Variants in UTS2B observed in about 807,000 individuals in gnomAD.
The protein encoded by UTS2B is urotensin 2B.
In UTS2B, 21 loss-of-function variants were observed where a neutral mutation model predicts 19.2. The ratio of observed to expected loss-of-function variants is 1.09; its 90% confidence interval spans 0.78 to 1.58. The LOEUF (loss-of-function observed/expected upper bound fraction) is 1.58, where lower values mean the gene tolerates loss of function less well. Among genes scored for constraint, UTS2B ranks in the 40% most tolerant of loss-of-function variants. The probability of loss-of-function intolerance (pLI) is 0.00; values close to 1 mark genes in which losing one functional copy is unlikely to be tolerated. For missense variants in UTS2B, 138 were observed against 130.3 expected (o/e 1.06, Z -0.29); for synonymous variants, 57 against 50.2 (o/e 1.14, Z -0.58).
At chr3:191,282,533 T>C (rs7645540) in intron 4 of UTS2B, 87,971 of 173,300 alleles carry the variant, frequency 0.51, 24,196 homozygotes, top group Non-Finnish European at 0.6. Context: ...AAGCAACATC[T>C]TGAAATAAAA....
Position 191,282,247 on chromosome 3 carries a change from T to G in UTS2B, c.-58A>C. On this transcript the variant is annotated 5_prime_UTR_variant, in exon 5 of 9. Transcript: ENST00000340524. ...CAGACTTTCCAGGTCAAGATGGATA[T>G]TTCTATAGCTTTGGAATTCAGTAGA... 7.6e-7 allele frequency: 1 copy of G among 1,311,434 alleles called. No individual in the cohort carries two copies. The allele number at this position is 1,311,434 out of a possible 1,614,324, so 81.2% of individuals were successfully genotyped here.
chr3:191,341,364 A>G, the UTS2B span, among the ~76,000 whole-genome samples: 1 of 152,074 alleles, frequency 6.6e-6, no homozygotes, highest in African/African-American at 2.4e-5. Flanking sequence ...ATTTATCCTT[A>G]TTTTACAGAT....
intron 2 of UTS2B, among the ~76,000 whole-genome samples, chr3:191,324,011 C>T (rs1420654094): frequency 6.6e-6 from 1 of 152,180 alleles, no homozygotes; most frequent in Non-Finnish European, 1.5e-5. Context: ...ATTTAGTCAG[C>T]AGCATGGCAG....
chr3:191,339,403 A>T, the UTS2B span, among the ~76,000 whole-genome samples: 5 of 152,214 alleles, frequency 3.3e-5, no homozygotes, highest in Non-Finnish European at 7.4e-5. Context: ...ATATAAAAAA[A>T]GTGAGGCAAG....
chr3:191,338,812 A>G, the UTS2B span, among the ~76,000 whole-genome samples: 1 of 152,340 alleles, frequency 6.6e-6, no homozygotes, highest in East Asian at 1.9e-4. Flanking sequence ...CTGAAGTCAG[A>G]GTGGTCTCCT....
At chr3:191,337,586 G>A in the UTS2B span, among the ~76,000 whole-genome samples, 2 of 151,714 alleles carry the variant, frequency 1.3e-5, no homozygotes, top group Non-Finnish European at 2.9e-5. Context: ...CTCGTGATCC[G>A]CCCATCTCGG....
intron 4 of UTS2B, among the ~76,000 whole-genome samples, chr3:191,283,943 A>T (rs1716461485): frequency 6.6e-6 from 1 of 152,162 alleles, no homozygotes; most frequent in African/African-American, 2.4e-5. Flanking sequence ...TTAAAACATT[A>T]TATCAAGATG....
At chr3:191,318,216 G>A (rs919460449) in intron 2 of UTS2B, among the ~76,000 whole-genome samples, 3 of 152,192 alleles carry the variant, frequency 2.0e-5, no homozygotes, top group African/African-American at 7.2e-5. Context: ...TGTAATCAAT[G>A]TCTATATTTC....
intron 2 of UTS2B, among the ~76,000 whole-genome samples, chr3:191,320,396 G>A (rs531026666): frequency 7.2e-5 from 11 of 152,316 alleles, no homozygotes; most frequent in African/African-American, 2.6e-4. Context: ...CAGTGAGAAG[G>A]GAATGAGAGG....
intron 5 of UTS2B, among the ~76,000 whole-genome samples, chr3:191,281,446 A>C (rs1232538110): frequency 6.6e-6 from 1 of 151,936 alleles, no homozygotes; most frequent in East Asian, 1.9e-4. Flanking sequence ...TTTAAATAAA[A>C]ATTATGTAAA....
rs1262567418 is a variant in UTS2B at position 191,323,131 on chromosome 3, G to GTTATT, written c.-586+5495_-586+5499dup. On this transcript the variant is annotated intron_variant, in intron 2 of 8. Transcript: ENST00000340524. Reference sequence around the variant, plus strand: ...ATGTTCAGGTTCTCTTTTCAGTGCTGTTATTTTATTTTATTTTATTTATTT... The same window carrying GTTATT: ...ATGTTCAGGTTCTCTTTTCAGTGCTGTTATTTTATTTTATTTTATTTTATTTATTT... 1.3e-4 allele frequency among the ~76,000 whole-genome samples: 11 copies of GTTATT among 82,694 alleles called. No homozygotes were observed. In the East Asian group the frequency reaches 1.5e-3, roughly 11 times the overall value. The allele number at this position is 82,694 out of a possible 152,430, so 54.3% of individuals were successfully genotyped here.
chr3:191,341,427 G>A, the UTS2B span, among the ~76,000 whole-genome samples: 1 of 152,118 alleles, frequency 6.6e-6, no homozygotes, highest in Admixed American at 6.5e-5. Flanking sequence ...CTTTTAGCCT[G>A]GAAGTAAGCA....
At chr3:191,279,203 A>G (rs185218752) in intron 5 of UTS2B, among the ~76,000 whole-genome samples, 4 of 152,184 alleles carry the variant, frequency 2.6e-5, no homozygotes, top group Admixed American at 2.6e-4. Flanking sequence ...ACATTAACCA[A>G]AGATACCTAA....
chr3:191,329,945 G>GTGC (rs1576942664), intron 1 of UTS2B, among the ~76,000 whole-genome samples: 1 of 61,916 alleles, frequency 1.6e-5, no homozygotes, highest in Non-Finnish European at 2.8e-5. Context: ...GGGTGGTTGG[G>GTGC]GGGGGGGGGG....
chr3:191,339,648 A>G, the UTS2B span, among the ~76,000 whole-genome samples: 5 of 152,236 alleles, frequency 3.3e-5, no homozygotes, highest in Non-Finnish European at 7.3e-5. Flanking sequence ...CTTTCTGAAT[A>G]TGGAAAGTGT....
intron 4 of UTS2B, among the ~76,000 whole-genome samples, chr3:191,295,012 C>T (rs530640692): frequency 6.1e-5 from 9 of 147,484 alleles, no homozygotes; most frequent in African/African-American, 2.0e-4. Context: ...GCCTGGGTGA[C>T]AGAGTAAGAC....
intron 2 of UTS2B, among the ~76,000 whole-genome samples, chr3:191,322,678 A>G (rs372049210): frequency 4.6e-5 from 7 of 152,216 alleles, no homozygotes; most frequent in African/African-American, 1.7e-4. Context: ...AATTACAGCA[A>G]GTTTTAGAGG....
At chr3:191,324,308 T>C (rs1337757911) in intron 2 of UTS2B, among the ~76,000 whole-genome samples, 1 of 152,210 alleles carries the variant, frequency 6.6e-6, no homozygotes, top group African/African-American at 2.4e-5. Flanking sequence ...ATTTTCTTTA[T>C]AAATTACCAG....
intron 3 of UTS2B, among the ~76,000 whole-genome samples, chr3:191,305,979 G>A (rs752330669): frequency 3.9e-5 from 6 of 152,062 alleles, no homozygotes; most frequent in Non-Finnish European, 7.4e-5. Flanking sequence ...ATAGTTGTAG[G>A]TGTGCAGTCT....
Sources: allele counts gnomAD v4.1 joint callset (sites outside exome capture counted in the v4.1 genomes callset), GRCh38; gene constraint gnomAD v4.1.1; transcripts MANE v1.5; gene names NCBI Gene and HGNC (gene_info 2026-07-23, HGNC 2026-07-21).